ANOS1: variants seen among roughly 807,000 people sequenced by gnomAD.
ANOS1 encodes anosmin 1.
ANOS1 carries 6 observed loss-of-function variants against 59.0 expected under a neutral mutation model. The observed-to-expected ratio is 0.10, with a 90% CI of 0.06 to 0.20. The LOEUF (loss-of-function observed/expected upper bound fraction) is 0.20, where lower values mean the gene tolerates loss of function less well. Among genes scored for constraint, ANOS1 ranks in the 10% least tolerant of loss-of-function variants. ANOS1 has a pLI of 1.00. For synonymous variants in ANOS1, 217 were observed against 223.4 expected (o/e 0.97, Z 0.25); for missense variants, 433 against 542.3 (o/e 0.80, Z 2.00).
intron 2 of ANOS1, among the ~76,000 whole-genome samples, chrX:8,631,644 G>A (rs1340797040): frequency 8.9e-6 from 1 of 111,737 alleles, no homozygotes. Flanking sequence ...AGGATCAAAC[G>A]GAGGAAGTCT....
intron 6 of ANOS1, among the ~76,000 whole-genome samples, chrX:8,573,666 G>A (rs1201263440): frequency 9.0e-6 from 1 of 111,008 alleles, no homozygotes; most frequent in Non-Finnish European, 1.9e-5. Flanking sequence ...AGGTCTCAGA[G>A]GCATTTCAAA....
chrX:8,542,783 C>T (rs1929709633), intron 9 of ANOS1, among the ~76,000 whole-genome samples: 1 of 109,546 alleles, frequency 9.1e-6, no homozygotes, highest in African/African-American at 3.3e-5. Context: ...ACTCTGCTTC[C>T]CTATTCTACT....
intron 2 of ANOS1, among the ~76,000 whole-genome samples, chrX:8,698,721 C>T (rs1223849690): frequency 9.0e-6 from 1 of 111,356 alleles, no homozygotes; most frequent in Non-Finnish European, 1.9e-5. Flanking sequence ...TTAACATTCA[C>T]GTAGGAACTC....
chrX:8,658,555 TG>T (rs1270814753), intron 2 of ANOS1, among the ~76,000 whole-genome samples: 2 of 112,544 alleles, frequency 1.8e-5, no homozygotes, highest in Non-Finnish European at 3.7e-5. Flanking sequence ...GAATTCATTC[TG>T]GGACTGAATG....
intron 9 of ANOS1, among the ~76,000 whole-genome samples, chrX:8,552,825 AATT>A (rs1156532347): frequency 4.5e-5 from 5 of 109,906 alleles, no homozygotes; most frequent in African/African-American, 1.7e-4. Context: ...ATATTTATAA[AATT>A]ATTAACTGTA....
chrX:8,695,353 T>C (rs914199611), intron 2 of ANOS1, among the ~76,000 whole-genome samples: 1 of 111,896 alleles, frequency 8.9e-6, no homozygotes, highest in Non-Finnish European at 1.9e-5. Context: ...CATCCGAGAC[T>C]GAAACTGTGT....
At position 8,594,697 on chromosome X, in the gene ANOS1, T is replaced by TATATAC. The variant is rs1247233512; in HGVS notation, c.541+2336_541+2337insGTATAT. Among the ~76,000 whole-genome samples the TATATAC allele has an allele frequency of 2.4e-3, 45 of 18,546 alleles. 1 individual carries two copies. The highest frequency in any genetic ancestry group is 0.012 in the East Asian group (8 of 668). The allele number at this position is 18,546 out of a possible 115,157, so 16.1% of individuals were successfully genotyped here. On this transcript the variant is annotated intron_variant, in intron 4 of 13. Transcript: ENST00000262648. ...ATATATATATATATATATATATATA[T>TATATAC]ACACATATATATACACATATATATA...
intron 2 of ANOS1, among the ~76,000 whole-genome samples, chrX:8,695,715 A>C (rs970462581): frequency 9.1e-6 from 1 of 110,306 alleles, no homozygotes; most frequent in Non-Finnish European, 1.9e-5. Context: ...AAAAAAAAAA[A>C]AAAACCTAGT....
At chrX:8,672,275 A>G (rs774780298) in intron 2 of ANOS1, among the ~76,000 whole-genome samples, 67 of 111,693 alleles carry the variant, frequency 6.0e-4, no homozygotes, top group African/African-American at 2.1e-3. Context: ...CTCTGCATGC[A>G]ATGGGAGCTT....
intron 3 of ANOS1, among the ~76,000 whole-genome samples, chrX:8,607,803 A>G (rs1254460946): frequency 2.4e-5 from 2 of 85,052 alleles, no homozygotes; most frequent in East Asian, 3.9e-4. Context: ...AACAGGTGAA[A>G]TTGTGAAAAT....
At chrX:8,573,145 T>C (rs1238838240) in intron 6 of ANOS1, among the ~76,000 whole-genome samples, 7 of 106,219 alleles carry the variant, frequency 6.6e-5, no homozygotes, top group African/African-American at 2.4e-4. Context: ...CTGCAACCTC[T>C]GCCCGCCTGC....
intron 2 of ANOS1, among the ~76,000 whole-genome samples, chrX:8,693,839 G>A (rs764634634): frequency 3.0e-5 from 3 of 100,536 alleles, no homozygotes; most frequent in East Asian, 3.2e-4. Flanking sequence ...CTCTCCTTTC[G>A]CAGCCTCCCA....
intron 2 of ANOS1, among the ~76,000 whole-genome samples, chrX:8,638,390 C>A (rs772112863): frequency 6.4e-4 from 72 of 112,316 alleles, no homozygotes; most frequent in African/African-American, 2.3e-3. Context: ...ACCTTCTCTG[C>A]GTATGTATTT....
rs16985083 is a variant in ANOS1, at chrX:8,644,184, G to A, written c.256-20514C>T. 9.1e-3 allele frequency among the ~76,000 whole-genome samples: 1,021 copies of A among 111,664 alleles called. 15 individuals carry two copies. Among genetic ancestry groups the A allele is most frequent in the African/African-American group, 0.032 (982 of 30,701 alleles). On this transcript the variant is annotated intron_variant, in intron 2 of 13. Transcript: ENST00000262648. ...TAAGATTTAGCTTGACGAAAATACC[G>A]TTATGCAGAGGACCATTCAGCCTGT... is the stretch of plus-strand genomic sequence containing the variant.
At chrX:8,596,704 C>T (rs150228264) in intron 4 of ANOS1, among the ~76,000 whole-genome samples, 1 of 111,513 alleles carries the variant, frequency 9.0e-6, no homozygotes, top group African/African-American at 3.3e-5. Flanking sequence ...GGATTTAAAT[C>T]GATTTATTCC....
At chrX:8,656,601 A>C (rs902071675) in intron 2 of ANOS1, among the ~76,000 whole-genome samples, 1 of 111,297 alleles carries the variant, frequency 9.0e-6, no homozygotes, top group African/African-American at 3.3e-5. Context: ...AATCATTGCA[A>C]ATATCTTCTT....
intron 2 of ANOS1, among the ~76,000 whole-genome samples, chrX:8,677,147 T>C (rs1244226783): frequency 1.8e-5 from 2 of 111,380 alleles, no homozygotes; most frequent in African/African-American, 6.5e-5. Flanking sequence ...CTCTCGCCAC[T>C]GTTGACATAT....
At chrX:8,552,648 T>C (rs1385408816) in intron 9 of ANOS1, among the ~76,000 whole-genome samples, 1 of 111,996 alleles carries the variant, frequency 8.9e-6, no homozygotes, top group African/African-American at 3.2e-5. Flanking sequence ...TGGTGGTGGT[T>C]ACTCTTGTAT....
intron 2 of ANOS1, among the ~76,000 whole-genome samples, chrX:8,633,244 C>G (rs1473885779): frequency 8.9e-6 from 1 of 111,732 alleles, no homozygotes; most frequent in Non-Finnish European, 1.9e-5. Context: ...GGCAATGACT[C>G]TCTCACTGCG....
Sources: gnomAD v4.1 joint callset for allele counts (sites outside exome capture counted in the v4.1 genomes callset) on GRCh38, gnomAD v4.1.1 for gene constraint, MANE v1.5 for transcripts, NCBI Gene and HGNC (gene_info 2026-07-23, HGNC 2026-07-21) for gene names.